IGSF21: variants seen among roughly 807,000 people sequenced by gnomAD.
The protein encoded by IGSF21 is immunoglobin superfamily member 21.
IGSF21 carries 28 observed loss-of-function variants against 46.8 expected under a neutral mutation model. The ratio of observed to expected loss-of-function variants is 0.60; its 90% CI spans 0.44 to 0.82. The LOEUF (loss-of-function observed/expected upper bound fraction) is 0.82. Among genes scored for constraint, IGSF21 ranks in the 40% least tolerant of loss-of-function variants. The pLI is 0.00. For missense variants in IGSF21, 624 were observed against 665.5 expected, an observed-to-expected ratio of 0.94 and a Z score of 0.69; for synonymous variants, 284 against 273.6, an observed-to-expected ratio of 1.04 and a Z score of -0.38.
At chr1:18,204,361 T>TA (rs1244902081) in intron 1 of IGSF21, among the ~76,000 whole-genome samples, 4 of 152,212 alleles carry the variant, frequency 2.6e-5, no homozygotes, top group African/African-American at 9.6e-5. Flanking sequence ...GCAGCTGCAG[T>TA]AGTCATTGTT....
At chr1:18,146,180 C>G (rs951542853) in intron 1 of IGSF21, among the ~76,000 whole-genome samples, 3 of 152,224 alleles carry the variant, frequency 2.0e-5, no homozygotes, top group Admixed American at 2.0e-4. Context: ...ATGCCAGTTT[C>G]TCCCCACTCT....
At chr1:18,368,998 C>G (rs1319917486) in intron 6 of IGSF21, among the ~76,000 whole-genome samples, 1 of 152,228 alleles carries the variant, frequency 6.6e-6, no homozygotes, top group Non-Finnish European at 1.5e-5. Flanking sequence ...CAGGCCCTCC[C>G]TTAACTGGAG....
chr1:18,195,591 G>C (rs1010799565), intron 1 of IGSF21, among the ~76,000 whole-genome samples: 3 of 152,042 alleles, frequency 2.0e-5, no homozygotes, highest in African/African-American at 4.8e-5. Flanking sequence ...CCTGTTGTCT[G>C]TGCCTCTCTG....
At chr1:18,123,224 A>G (rs1053824718) in intron 1 of IGSF21, among the ~76,000 whole-genome samples, 1 of 152,222 alleles carries the variant, frequency 6.6e-6, no homozygotes, top group African/African-American at 2.4e-5. Context: ...ACCTATGCTC[A>G]AAATATTTTT....
chr1:18,143,371 G>A (rs548737452), intron 1 of IGSF21, among the ~76,000 whole-genome samples: 46 of 152,200 alleles, frequency 3.0e-4, no homozygotes, highest in African/African-American at 1.1e-3. Flanking sequence ...TCCTGCCTCC[G>A]CTCTTCCTCT....
At chr1:18,278,808 G>T (rs577833014) in intron 2 of IGSF21, 53 of 470,514 alleles carry the variant, frequency 1.1e-4, no homozygotes, top group African/African-American at 9.0e-4. Context: ...TGCCTGCCTC[G>T]GCCTCCAAAA....
chr1:18,158,204 C>G (rs1490021397), intron 1 of IGSF21, among the ~76,000 whole-genome samples: 1 of 152,166 alleles, frequency 6.6e-6, no homozygotes, highest in African/African-American at 2.4e-5. Context: ...TTAGGACCCC[C>G]TGCCATGGCA....
At chr1:18,272,395 C>T (rs2085051523) in intron 2 of IGSF21, among the ~76,000 whole-genome samples, 2 of 152,294 alleles carry the variant, frequency 1.3e-5, no homozygotes, top group South Asian at 2.1e-4. Flanking sequence ...GGGCCAGTCG[C>T]TTCACCCCTC....
At chr1:18,354,347 A>T (rs1201768045) in intron 4 of IGSF21, among the ~76,000 whole-genome samples, 1 of 152,192 alleles carries the variant, frequency 6.6e-6, no homozygotes, top group Non-Finnish European at 1.5e-5. Context: ...AGGTTCTTGA[A>T]GGAGCAGAGA....
chr1:18,357,521 A>ATCTC (rs2086033792), intron 4 of IGSF21, among the ~76,000 whole-genome samples: 1 of 105,718 alleles, frequency 9.5e-6, no homozygotes, highest in Non-Finnish European at 1.9e-5. Flanking sequence ...GCAGGTGGAG[A>ATCTC]GGGGGAGTGG....
chr1:18,339,453 C>T (rs1192658227), intron 4 of IGSF21, among the ~76,000 whole-genome samples: 2 of 152,192 alleles, frequency 1.3e-5, no homozygotes. Context: ...TCCGATGGTC[C>T]TGGCATGGTG....
At chr1:18,180,349 C>A (rs9660012) in intron 1 of IGSF21, among the ~76,000 whole-genome samples, 7 of 152,172 alleles carry the variant, frequency 4.6e-5, no homozygotes, top group Admixed American at 3.3e-4. Context: ...ACATACATGG[C>A]AGTTACAACC....
At chr1:18,207,825 A>G (rs1314593338) in intron 1 of IGSF21, among the ~76,000 whole-genome samples, 2 of 152,146 alleles carry the variant, frequency 1.3e-5, no homozygotes, top group East Asian at 3.9e-4. Flanking sequence ...CTGGCTCAGA[A>G]ACTAGCAGGT....
chr1:18,279,851 C>T (rs1233742044), intron 2 of IGSF21, among the ~76,000 whole-genome samples: 1 of 152,220 alleles, frequency 6.6e-6, no homozygotes, highest in African/African-American at 2.4e-5. Context: ...GGCAGGCTGG[C>T]GCAGGCCACT....
chr1:18,250,219 G>A (rs223198), intron 2 of IGSF21, among the ~76,000 whole-genome samples: 120,110 of 150,736 alleles, frequency 0.8, 48,123 homozygotes, highest in East Asian at 0.93. Flanking sequence ...ATGTTCTGAC[G>A]ATGCTCTCAG....
intron 4 of IGSF21, among the ~76,000 whole-genome samples, chr1:18,351,125 T>C (rs1193321339): frequency 6.6e-6 from 1 of 151,750 alleles, no homozygotes; most frequent in African/African-American, 2.4e-5. Flanking sequence ...GCAGAGAAAG[T>C]CCACGGCAAC....
At chr1:18,209,621 A>AT (rs35745482) in intron 1 of IGSF21, among the ~76,000 whole-genome samples, 2,198 of 133,814 alleles carry the variant, frequency 0.016, 55 homozygotes, top group African/African-American at 0.052. Flanking sequence ...CACCTGGCTA[A>AT]TTTTTTTTTT....
intron 3 of IGSF21, among the ~76,000 whole-genome samples, chr1:18,325,777 G>C (rs1028607102): frequency 6.6e-6 from 1 of 152,196 alleles, no homozygotes; most frequent in African/African-American, 2.4e-5. Flanking sequence ...AGGTCTGCCA[G>C]CTACCACAAA....
chr1:18,271,035 A>G lies in IGSF21; in HGVS notation c.184-20831A>G, dbSNP rs139639012. ...GCGTTGACTTTGGACAGCAGGCCCAAGAGAAGCTGAAATATTATTAGAAGG... is the reference window on the plus strand; with the variant it reads ...GCGTTGACTTTGGACAGCAGGCCCAGGAGAAGCTGAAATATTATTAGAAGG... On this transcript the variant is annotated intron_variant, in intron 2 of 9. Coordinates refer to ENST00000251296, the MANE Select transcript of IGSF21 (RefSeq NM_032880.5). 1.2e-3 allele frequency among the ~76,000 whole-genome samples: 184 copies of G among 152,338 alleles called. 1 individual carries two copies. The highest frequency in any genetic ancestry group is 6.8e-3 in the Middle Eastern group (2 of 294).
Sources: gnomAD v4.1 joint callset for allele counts (sites outside exome capture counted in the v4.1 genomes callset) on GRCh38, gnomAD v4.1.1 for gene constraint, MANE v1.5 for transcripts, NCBI Gene and HGNC (gene_info 2026-07-23, HGNC 2026-07-21) for gene names.